NALCN: variants seen among roughly 807,000 people sequenced by gnomAD.
NALCN encodes sodium leak channel, non-selective.
A neutral mutation model predicts 225.3 loss-of-function variants in NALCN; 111 were observed. The ratio of observed to expected loss-of-function variants is 0.49; its 90% CI spans 0.42 to 0.58. NALCN has a LOEUF of 0.58. Ranked by LOEUF, NALCN falls within the 20% of genes least tolerant of loss-of-function variation. The pLI, the probability that NALCN is intolerant of heterozygous loss-of-function variation, is 0.00. For synonymous variants in NALCN, 764 were observed against 769.0 expected (o/e 0.99, Z 0.11); for missense variants, 1,378 against 2,202.4 (o/e 0.63, Z 7.49).
chr13:101,255,223 A>G (rs1282581111), intron 11 of NALCN, among the ~76,000 whole-genome samples: 2 of 152,226 alleles, frequency 1.3e-5, no homozygotes, highest in Non-Finnish European at 2.9e-5. Context: ...ATACACTTAA[A>G]TAGTAACCAG....
Position 101,059,868 on chromosome 13 carries a change from G to C in NALCN, c.4855C>G (p.Pro1619Ala), listed in dbSNP as rs1490304179. 1 of 1,613,990 alleles carries C rather than the reference G, an allele frequency of 6.2e-7. No homozygotes were observed. Among genetic ancestry groups the C allele is most frequent in the East Asian group, 2.2e-5 (1 of 44,882 alleles). The change falls in exon 42 of 44, where the codon CCC becomes GCC. Residue 1619 changes from proline (P) to alanine (A), a missense_variant. This residue lies in a region of NALCN where 145 missense variants were observed against 169.6 expected (regional missense o/e 0.85). Coordinates refer to ENST00000251127, the MANE Select transcript of NALCN (RefSeq NM_052867.4). ...CTGTTGGCATTCGTGTCCTCACTGG[G>C]CTGGGTGGTCTCGATGCTGGGCGGG... Reference protein sequence around the residue: ...LNPPSIETTQPSEDTNANSQD... With the variant: ...LNPPSIETTQASEDTNANSQD...
intron 1 of NALCN, among the ~76,000 whole-genome samples, chr13:101,405,807 C>T (rs1217594405): frequency 1.3e-5 from 2 of 152,128 alleles, no homozygotes; most frequent in Admixed American, 6.6e-5. Flanking sequence ...ATGCTTTCTC[C>T]AAAGGAAAAT....
In NALCN at chr13:101,116,507, AG is replaced by A. The variant is rs775825320; in HGVS notation, c.2193-5282del. 1.5e-5 allele frequency: 8 copies of A among 517,350 alleles called. No individual in the cohort carries two copies. In the East Asian group the frequency reaches 2.7e-4, roughly 18 times the overall value. 32.0% of individuals were successfully genotyped at this position (517,350 alleles called of 1,614,324 possible). On this transcript the variant is annotated intron_variant, in intron 18 of 43. Transcript: ENST00000251127. The stretch of plus-strand genomic sequence containing the variant: ...ACTAGTTGTTTATAGACACAGTAGC[AG>A]GGGGTCCCCGGTTCTTTTCTTCTTT...
At chr13:101,082,973 G>T in intron 32 of NALCN, 90 bp from the exon 33 acceptor site, 1 of 1,569,814 alleles carries the variant, frequency 6.4e-7, no homozygotes, top group Non-Finnish European at 8.8e-7. Flanking sequence ...CATTGACAGT[G>T]AATCTTAATT....
intron 11 of NALCN, 123 bp downstream of exon 11, chr13:101,258,320 G>T: frequency 7.4e-7 from 1 of 1,357,546 alleles, no homozygotes; most frequent in Non-Finnish European, 9.9e-7. Flanking sequence ...AGCAGACAAT[G>T]ATTCAGCTTT....
intron 2 of NALCN, among the ~76,000 whole-genome samples, chr13:101,397,427 T>C (rs2047341739): frequency 6.6e-6 from 1 of 150,838 alleles, no homozygotes; most frequent in Non-Finnish European, 1.5e-5. Context: ...ATATTACATA[T>C]ACATGTTATA....
intron 7 of NALCN, among the ~76,000 whole-genome samples, chr13:101,341,155 C>T (rs2045546434): frequency 6.6e-6 from 1 of 151,998 alleles, no homozygotes; most frequent in Non-Finnish European, 1.5e-5. Flanking sequence ...TTTGTAAATC[C>T]TACAGTTACA....
intron 13 of NALCN, among the ~76,000 whole-genome samples, chr13:101,209,289 T>C (rs2040436609): frequency 1.3e-5 from 2 of 152,168 alleles, no homozygotes; most frequent in African/African-American, 4.8e-5. Flanking sequence ...AAAAATGTCT[T>C]TCTGGACTTG....
intron 11 of NALCN, among the ~76,000 whole-genome samples, chr13:101,247,706 A>C (rs1329203053): frequency 6.6e-6 from 1 of 152,232 alleles, no homozygotes; most frequent in Non-Finnish European, 1.5e-5. Flanking sequence ...GGTTTGTTAC[A>C]TAAGTAAATG....
chr13:101,270,231 G>T (rs2042731688), intron 10 of NALCN, among the ~76,000 whole-genome samples: 1 of 152,050 alleles, frequency 6.6e-6, no homozygotes, highest in Non-Finnish European at 1.5e-5. Flanking sequence ...CTTTATCTTT[G>T]TCTTCATGGG....
chr13:101,114,071 C>T (rs927213862), intron 18 of NALCN, among the ~76,000 whole-genome samples: 2 of 152,158 alleles, frequency 1.3e-5, no homozygotes, highest in Non-Finnish European at 2.9e-5. Flanking sequence ...GTGCACCCTG[C>T]AGTGCAGCTG....
In NALCN at chr13:101,103,457, C is replaced by T. The variant is rs535764887; in HGVS notation, c.2890-118G>A. 1.6e-5 allele frequency: 20 copies of T among 1,235,934 alleles called. No individual in the cohort carries two copies. In the Middle Eastern group the frequency reaches 1.2e-3, roughly 75 times the overall value. 76.6% of individuals were successfully genotyped at this position (1,235,934 alleles called of 1,614,324 possible). A position where few individuals can be genotyped will look rare whatever the true frequency, so the allele number is the denominator to read the frequency against. On this transcript the variant is annotated intron_variant, in intron 25 of 43. Coordinates refer to ENST00000251127, the MANE Select transcript of NALCN (RefSeq NM_052867.4). ...GCAGAGATTCCACTCACTGGTTGTA[C>T]GTGCCATCTGTTAACTTTAAACAAC...
At chr13:101,115,044 G>C (rs1286118071) in intron 18 of NALCN, among the ~76,000 whole-genome samples, 1 of 152,110 alleles carries the variant, frequency 6.6e-6, no homozygotes, top group Non-Finnish European at 1.5e-5. Context: ...AATATTTGTG[G>C]AATGAATGAA....
chr13:101,305,019 T>C (rs1022788160), intron 7 of NALCN, among the ~76,000 whole-genome samples: 1 of 152,042 alleles, frequency 6.6e-6, no homozygotes, highest in Non-Finnish European at 1.5e-5. Context: ...CCTCCCAAAG[T>C]GCTGGGATTA....
chr13:101,179,009 A>G (rs2039080935), intron 14 of NALCN, among the ~76,000 whole-genome samples: 1 of 152,240 alleles, frequency 6.6e-6, no homozygotes, highest in South Asian at 2.1e-4. Flanking sequence ...GACAGAGGGC[A>G]GGCTACTTAA....
Position 101,150,442 on chromosome 13 carries a change from C to T in NALCN, c.1840-5546G>A, listed in dbSNP as rs923138510. On this transcript the variant is annotated intron_variant, in intron 15 of 43. Transcript: ENST00000251127. ...AAGCAAAATTATTCCATTCTTACTT[C>T]GGCACTATCAGCCACCAAAACTTTG... 3.9e-5 allele frequency among the ~76,000 whole-genome samples: 6 copies of T among 152,286 alleles called. No individual in the cohort carries two copies. The South Asian group carries it at 6.2e-4, about 16-fold the overall frequency.
chr13:101,221,671 C>A (rs919029643), intron 13 of NALCN, among the ~76,000 whole-genome samples: 1 of 152,118 alleles, frequency 6.6e-6, no homozygotes, highest in African/African-American at 2.4e-5. Context: ...ATTCAACACA[C>A]CACCAAGATT....
At chr13:101,176,478 TA>T in intron 14 of NALCN, 104 bp from the exon 15 acceptor site, 1 of 681,046 alleles carries the variant, frequency 1.5e-6, no homozygotes, top group South Asian at 4.5e-5. Context: ...TATAATTCAT[TA>T]AATGCAAAAT....
At chr13:101,356,559 A>G (rs191002697) in intron 6 of NALCN, among the ~76,000 whole-genome samples, 14 of 152,280 alleles carry the variant, frequency 9.2e-5, no homozygotes, top group African/African-American at 3.1e-4. Flanking sequence ...CCAACCAAAA[A>G]AAGCCCAGGA....
Sources: allele counts gnomAD v4.1 joint callset (sites outside exome capture counted in the v4.1 genomes callset), GRCh38; gene constraint gnomAD v4.1.1; regional missense constraint gnomAD v4.1.1; transcripts MANE v1.5; gene names NCBI Gene and HGNC (gene_info 2026-07-23, HGNC 2026-07-21).